PHF20: variants seen among roughly 807,000 people sequenced by gnomAD.
PHF20 encodes glioma-expressed antigen 2.
Under a neutral mutation model 113.5 loss-of-function variants are expected in PHF20, and 23 were observed. The observed-to-expected ratio is 0.20, with a 90% CI of 0.15 to 0.29. The LOEUF (loss-of-function observed/expected upper bound fraction) is 0.29. Among genes scored for constraint, PHF20 ranks in the 10% least tolerant of loss-of-function variants. The pLI, the probability that PHF20 is intolerant of heterozygous loss-of-function variation, is 1.00. For missense variants in PHF20, 943 were observed against 1,219.6 expected (o/e 0.77, Z 3.38); for synonymous variants, 434 against 457.3 (o/e 0.95, Z 0.65).
chr20:35,863,104 A>G lies in PHF20; in HGVS notation c.512A>G (p.Lys171Arg). ...CGAGAGAAGTTTAAAGAACAGAGAA[A>G]AGCAACAGTGAATGTGAAGAAAGAC... is the stretch of plus-strand genomic sequence containing the variant. Reference protein sequence around the residue: ...DKREKFKEQRKATVNVKKDKE... With the variant: ...DKREKFKEQRRATVNVKKDKE... Residue 171 changes from lysine (K) to arginine (R), a missense_variant, in exon 6 of 18, where the codon AAA becomes AGA. Physicochemically the swap from Lys to Arg is conservative, Grantham distance 26 (BLOSUM62 2). Around this residue, in one of 3 missense-constraint regions of PHF20, gnomAD observed 592 missense variants for 787.2 expected, o/e 0.75. Coordinates refer to ENST00000374012, the MANE Select transcript of PHF20 (RefSeq NM_016436.5). The G allele has an allele frequency of 6.2e-7, 1 of 1,613,484 alleles. No homozygotes were observed. Among genetic ancestry groups the G allele is most frequent in the Non-Finnish European group, 8.5e-7 (1 of 1,179,866 alleles).
chr20:35,846,426 A>G (rs556228895), intron 3 of PHF20, among the ~76,000 whole-genome samples: 1 of 152,196 alleles, frequency 6.6e-6, no homozygotes, highest in Admixed American at 6.5e-5. Flanking sequence ...GACCTCCCAG[A>G]GTGCTGGGAT....
intron 5 of PHF20, among the ~76,000 whole-genome samples, 171 bp downstream of exon 5, chr20:35,858,552 C>T (rs149511310): frequency 6.6e-6 from 1 of 152,280 alleles, no homozygotes; most frequent in Non-Finnish European, 1.5e-5. Context: ...AAATATTTGT[C>T]TCTTTGCTGT....
intron 5 of PHF20, among the ~76,000 whole-genome samples, chr20:35,860,392 C>T (rs2054199260): frequency 6.6e-6 from 1 of 151,584 alleles, no homozygotes; most frequent in Admixed American, 6.6e-5. Flanking sequence ...AGGCATGCAC[C>T]ACTATGCCCA....
At chr20:35,781,388 T>C (rs1205513076) in intron 1 of PHF20, among the ~76,000 whole-genome samples, 1 of 152,100 alleles carries the variant, frequency 6.6e-6, no homozygotes, top group African/African-American at 2.4e-5. Flanking sequence ...CCCAAAGTGC[T>C]GGGATTACAG....
chr20:35,787,811 C>T (rs1161466640), intron 1 of PHF20, among the ~76,000 whole-genome samples: 4 of 151,402 alleles, frequency 2.6e-5, no homozygotes, highest in East Asian at 2.0e-4. Context: ...GACAGAGTTT[C>T]GCTCTGTCTC....
chr20:35,912,932 T>TA (rs1238706590), intron 10 of PHF20, among the ~76,000 whole-genome samples: 1 of 152,210 alleles, frequency 6.6e-6, no homozygotes, highest in African/African-American at 2.4e-5. Context: ...AGATAATAAA[T>TA]ACTTTTCAAC....
intron 13 of PHF20, among the ~76,000 whole-genome samples, chr20:35,925,056 T>C (rs2055599648): frequency 6.6e-6 from 1 of 152,128 alleles, no homozygotes; most frequent in Non-Finnish European, 1.5e-5. Context: ...TTTGAATCCT[T>C]TTCTGGTTCT....
intron 2 of PHF20, among the ~76,000 whole-genome samples, chr20:35,836,335 C>T (rs999105322): frequency 6.6e-6 from 1 of 152,142 alleles, no homozygotes; most frequent in Non-Finnish European, 1.5e-5. Flanking sequence ...TTATTTTCCT[C>T]TTCTATAACA....
rs949604974 is a variant in PHF20, at chr20:35,897,170, A to T, written c.1283-2200A>T. ...CACCTGAGCTTTCTGGGTAGCTGGG[A>T]CTATAGGCACATGCCATCATGCCTG... On this transcript the variant is annotated intron_variant, in intron 9 of 17. Transcript: ENST00000374012. 3.9e-5 allele frequency among the ~76,000 whole-genome samples: 6 copies of T among 152,104 alleles called. No individual in the cohort carries two copies. The East Asian group carries it at 1.2e-3, about 29-fold the overall frequency.
intron 5 of PHF20, among the ~76,000 whole-genome samples, chr20:35,861,197 G>C (rs1184385829): frequency 7.0e-6 from 1 of 142,884 alleles, no homozygotes; most frequent in East Asian, 2.1e-4. Flanking sequence ...TAAATGTTTT[G>C]ATAGTCTCTA....
rs1257992307 is a variant in PHF20, at chr20:35,899,390, A to G, written c.1303A>G (p.Thr435Ala). ...TVEVTNTFKK[T>A]DDFGSSNAPA... is the part of the protein sequence containing the mutation. The stretch of plus-strand genomic sequence containing the variant: ...TTCAGTAACAAATACTTTTAAGAAA[A>G]CAGATGATTTTGGGTCATCTAATGC... The change falls in exon 10 of 18, where the codon ACA becomes GCA. Residue 435 changes from threonine to alanine, a missense_variant. This residue lies in a region of PHF20 where 592 missense variants were observed against 787.2 expected (regional missense o/e 0.75). Transcript: ENST00000374012. 6.2e-7 allele frequency: 1 copy of G among 1,606,590 alleles called. No homozygotes were observed. The highest frequency in any genetic ancestry group is 8.5e-7 in the Non-Finnish European group (1 of 1,175,452).
intron 2 of PHF20, among the ~76,000 whole-genome samples, chr20:35,826,661 T>C (rs1470184381): frequency 6.6e-6 from 1 of 152,126 alleles, no homozygotes; most frequent in Non-Finnish European, 1.5e-5. Context: ...GAGATTGAAC[T>C]GAAGAGTGAA....
intron 9 of PHF20, among the ~76,000 whole-genome samples, chr20:35,892,472 G>A (rs2054893748): frequency 6.6e-6 from 1 of 151,576 alleles, no homozygotes; most frequent in African/African-American, 2.4e-5. Context: ...GCCTCCCGAA[G>A]TGTTGGGATT....
chr20:35,907,151 G>T (rs1360190335), intron 10 of PHF20, among the ~76,000 whole-genome samples: 2 of 152,174 alleles, frequency 1.3e-5, no homozygotes, highest in Non-Finnish European at 2.9e-5. Context: ...CCCCATAGGT[G>T]GTGGTGATGC....
chr20:35,830,156 C>T (rs2042334747), intron 2 of PHF20, among the ~76,000 whole-genome samples: 1 of 151,942 alleles, frequency 6.6e-6, no homozygotes, highest in Admixed American at 6.6e-5. Flanking sequence ...TCAGGCAGTC[C>T]ACCTGCCTCG....
intron 10 of PHF20, among the ~76,000 whole-genome samples, chr20:35,900,907 A>G (rs2055083262): frequency 6.6e-6 from 1 of 152,138 alleles, no homozygotes; most frequent in Non-Finnish European, 1.5e-5. Context: ...AAGTTCAAAA[A>G]TGAGTAAGAA....
intron 9 of PHF20, among the ~76,000 whole-genome samples, chr20:35,877,502 T>G (rs1292367359): frequency 6.6e-6 from 1 of 151,420 alleles, no homozygotes; most frequent in African/African-American, 2.4e-5. Context: ...TAGGCTGGAG[T>G]GCAGTGGTGT....
At chr20:35,939,949 A>G (rs751758813) in intron 16 of PHF20, among the ~76,000 whole-genome samples, 1 of 152,168 alleles carries the variant, frequency 6.6e-6, no homozygotes, top group Non-Finnish European at 1.5e-5. Context: ...GGTGGTAAGA[A>G]CACAGTCTTT....
intron 6 of PHF20, among the ~76,000 whole-genome samples, chr20:35,868,859 G>A (rs987825054): frequency 6.6e-6 from 1 of 152,104 alleles, no homozygotes; most frequent in African/African-American, 2.4e-5. Flanking sequence ...GGGAGGACGA[G>A]GCAGCTGGAT....
Sources: gnomAD v4.1 joint callset for allele counts (sites outside exome capture counted in the v4.1 genomes callset) on GRCh38, gnomAD v4.1.1 for gene constraint, gnomAD v4.1.1 regional missense constraint, MANE v1.5 for transcripts, NCBI Gene and HGNC (gene_info 2026-07-23, HGNC 2026-07-21) for gene names.